B4GALT1: variants seen among roughly 807,000 people sequenced by gnomAD.
The protein encoded by B4GALT1 is beta-1,4-galactosyltransferase 1.
A neutral mutation model predicts 34.9 loss-of-function variants in B4GALT1; 16 were observed. The observed-to-expected ratio is 0.46, with a 90% CI of 0.31 to 0.70. The LOEUF (loss-of-function observed/expected upper bound fraction) is 0.70, where lower values mean the gene tolerates loss of function less well. B4GALT1 is among the 30% of genes least tolerant of loss of function. B4GALT1 has a pLI of 0.05. For missense variants in B4GALT1, 445 were observed against 530.5 expected (o/e 0.84, Z 1.58); for synonymous variants, 221 against 218.1 (o/e 1.01, Z -0.12).
chr9:33,126,644 A>C (rs1840106183), intron 2 of B4GALT1, among the ~76,000 whole-genome samples: 2 of 152,264 alleles, frequency 1.3e-5, no homozygotes, highest in African/African-American at 2.4e-5. Context: ...AACATTGTTA[A>C]CTATTGTTAA....
intron 1 of B4GALT1, among the ~76,000 whole-genome samples, chr9:33,146,750 G>A (rs1007610900): frequency 3.1e-4 from 47 of 151,210 alleles, no homozygotes; most frequent in African/African-American, 1.1e-3. Context: ...CTGGAGTGCA[G>A]TGGTGCAATT....
intron 2 of B4GALT1, 64 bp downstream of exon 2, chr9:33,135,125 C>T: frequency 6.7e-7 from 1 of 1,493,878 alleles, no homozygotes; most frequent in Non-Finnish European, 9.2e-7. Context: ...CCTCATTACA[C>T]ACACATCTGA....
At chr9:33,120,321 G>C in intron 3 of B4GALT1, 98 bp downstream of exon 3, 1 of 1,376,046 alleles carries the variant, frequency 7.3e-7, no homozygotes, top group Non-Finnish European at 1.0e-6. Flanking sequence ...TTCTGCTCCA[G>C]AGCTTAAAGA....
chr9:33,146,141 G>A (rs1840422388), intron 1 of B4GALT1, among the ~76,000 whole-genome samples: 2 of 152,220 alleles, frequency 1.3e-5, no homozygotes, highest in African/African-American at 4.8e-5. Context: ...GTAGTGTTTG[G>A]TCTCTGGAGG....
chr9:33,181,499 G>A, the B4GALT1 span, among the ~76,000 whole-genome samples: 7 of 151,148 alleles, frequency 4.6e-5, no homozygotes, highest in African/African-American at 1.7e-4. Context: ...CAGAATCAAC[G>A]TCTTCCTGTA....
rs778585080 is a variant in B4GALT1, at chr9:33,117,077, T to A, written c.837-964A>T. Among the ~76,000 whole-genome samples the A allele has an allele frequency of 4.6e-5, 7 of 152,272 alleles. No individual in the cohort carries two copies. In the Middle Eastern group the frequency reaches 0.01, roughly 222 times the overall value. On this transcript the variant is annotated intron_variant, in intron 3 of 5. Transcript: ENST00000379731. Reference sequence around the variant, plus strand: ...TTCTCCTGTGCTCTGTTCCCGCACATGAAGTCCTTATCCAGGAACTCCTGG... The same window carrying A: ...TTCTCCTGTGCTCTGTTCCCGCACAAGAAGTCCTTATCCAGGAACTCCTGG...
At chr9:33,147,007 T>C (rs116718423) in intron 1 of B4GALT1, among the ~76,000 whole-genome samples, 253 of 151,978 alleles carry the variant, frequency 1.7e-3, no homozygotes, top group African/African-American at 5.7e-3. Context: ...GGCCCCCAAA[T>C]GCAATTTTCA....
chr9:33,147,850 T>TA (rs1485397309), intron 1 of B4GALT1, among the ~76,000 whole-genome samples: 1 of 151,974 alleles, frequency 6.6e-6, no homozygotes, highest in African/African-American at 2.4e-5. Flanking sequence ...CTGAGCAACA[T>TA]ATTAAGACTT....
intron 1 of B4GALT1, among the ~76,000 whole-genome samples, chr9:33,138,662 C>T (rs2118176142): frequency 2.0e-5 from 3 of 152,250 alleles, no homozygotes; most frequent in Admixed American, 2.0e-4. Context: ...TCCCTATACC[C>T]AGGTCTTTGG....
intron 2 of B4GALT1, among the ~76,000 whole-genome samples, chr9:33,123,301 A>T (rs556626520): frequency 5.2e-4 from 76 of 145,056 alleles, no homozygotes; most frequent in African/African-American, 1.8e-3. Context: ...AAAAAAAAAA[A>T]GTTCAAAGTT....
intron 2 of B4GALT1, chr9:33,104,878 C>T (rs1429731745): frequency 1.0e-5 from 4 of 399,098 alleles, no homozygotes; most frequent in East Asian, 7.4e-5. Context: ...AGTGCAGTGA[C>T]GTGCTAAGTA....
intron 1 of B4GALT1, among the ~76,000 whole-genome samples, chr9:33,140,718 C>T (rs1840336600): frequency 6.6e-6 from 1 of 152,240 alleles, no homozygotes; most frequent in African/African-American, 2.4e-5. Flanking sequence ...AGCTCCCCCA[C>T]CAGTGCTGTT....
In B4GALT1 at chr9:33,113,527, G is replaced by A. The variant is rs1475975691; in HGVS notation, c.1124C>T (p.Thr375Ile). The A allele has an allele frequency of 1.2e-6, 2 of 1,614,120 alleles. No individual in the cohort carries two copies. Among genetic ancestry groups the A allele is most frequent in the Non-Finnish European group, 1.7e-6 (2 of 1,180,038 alleles). ...TCTCTGTACATCCAGCACCTGGTAG[G>A]TGAGTGAGTTCAAACCATCAGAGAG... ...TMLSDGLNSL[T>I]YQVLDVQRYP... Residue 375 changes from threonine to isoleucine, a missense_variant, in exon 6 of 6, where the codon ACC (threonine) becomes ATC (isoleucine). Thr to Ile is a moderately conservative substitution (Grantham distance 89). Coordinates refer to ENST00000379731, the MANE Select transcript of B4GALT1 (RefSeq NM_001497.4).
rs1038167512 is a variant in B4GALT1, at chr9:33,163,207, C to T, written c.412+3551G>A. Among the ~76,000 whole-genome samples the T allele has an allele frequency of 2.0e-5, 3 of 152,258 alleles. No homozygotes were observed. In the East Asian group the frequency reaches 5.8e-4, roughly 29 times the overall value. Reference sequence around the variant, plus strand: ...GGGGAAACGTGCTGGTAGAGAAACACCTGAGAGCTGAGAGCCCAGCAAAGA... The same window carrying T: ...GGGGAAACGTGCTGGTAGAGAAACATCTGAGAGCTGAGAGCCCAGCAAAGA... On this transcript the variant is annotated intron_variant, in intron 1 of 5. Coordinates refer to ENST00000379731, the MANE Select transcript of B4GALT1 (RefSeq NM_001497.4).
chr9:33,106,894 C>T (rs1057087830), downstream of B4GALT1, among the ~76,000 whole-genome samples: 2 of 152,130 alleles, frequency 1.3e-5, no homozygotes, highest in African/African-American at 4.8e-5. Context: ...GACAGCCACA[C>T]GTAATGGTCA....
At chr9:33,145,406 T>G (rs955235519) in intron 1 of B4GALT1, among the ~76,000 whole-genome samples, 3 of 152,274 alleles carry the variant, frequency 2.0e-5, no homozygotes, top group African/African-American at 7.2e-5. Context: ...AAGTTTTACA[T>G]GGGTCACAAA....
chr9:33,121,771 T>C (rs1033144110), intron 2 of B4GALT1, among the ~76,000 whole-genome samples: 3 of 152,294 alleles, frequency 2.0e-5, no homozygotes, highest in East Asian at 3.9e-4. Context: ...CAACAAATAG[T>C]TGCTGGTTGG....
chr9:33,141,473 C>T lies in B4GALT1; in HGVS notation c.413-6049G>A, dbSNP rs57088716. On this transcript the variant is annotated intron_variant, in intron 1 of 5. Transcript: ENST00000379731. ...TGAAGGTTGCAGTGAGCCGAAATCACGCCATTGCACTCCAGCCTGGGCGAC... is the reference window on the plus strand; with the variant it reads ...TGAAGGTTGCAGTGAGCCGAAATCATGCCATTGCACTCCAGCCTGGGCGAC... Among the ~76,000 whole-genome samples the T allele has an allele frequency of 4.5e-3, 689 of 152,230 alleles. 2 individuals are homozygous for T. Among genetic ancestry groups the T allele is most frequent in the African/African-American group, 0.014 (589 of 41,538 alleles).
intron 1 of B4GALT1, among the ~76,000 whole-genome samples, chr9:33,155,148 C>A (rs1385356605): frequency 6.6e-6 from 1 of 152,114 alleles, no homozygotes; most frequent in African/African-American, 2.4e-5. Flanking sequence ...GGAGAGCATC[C>A]CAGCCAATCC....
Sources: gnomAD v4.1 joint callset for allele counts (sites outside exome capture counted in the v4.1 genomes callset) on GRCh38, gnomAD v4.1.1 for gene constraint, MANE v1.5 for transcripts, NCBI Gene and HGNC (gene_info 2026-07-23, HGNC 2026-07-21) for gene names.